ST6GALNAC5: variants seen among roughly 807,000 people sequenced by gnomAD.
The protein encoded by ST6GALNAC5 is ST6 N-acetylgalactosaminide alpha-2,6-sialyltransferase 5, also known as alpha-N-acetylgalactosaminide alpha-2,6-sialyltransferase 5.
A neutral mutation model predicts 33.6 loss-of-function variants in ST6GALNAC5; 27 were observed. The observed-to-expected ratio is 0.80, with a 90% CI of 0.59 to 1.11. The LOEUF (loss-of-function observed/expected upper bound fraction) is 1.11. ST6GALNAC5 is among the 50% of genes least tolerant of loss of function. The pLI is 0.00. For missense variants in ST6GALNAC5, 428 were observed against 454.0 expected (o/e 0.94, Z 0.52); for synonymous variants, 194 against 171.2 (o/e 1.13, Z -1.04).
chr1:76,991,448 C>T (rs1649725809), intron 2 of ST6GALNAC5, among the ~76,000 whole-genome samples: 1 of 152,188 alleles, frequency 6.6e-6, no homozygotes, highest in Non-Finnish European at 1.5e-5. Flanking sequence ...TATGCACACT[C>T]TGAGCATTTT....
At chr1:76,939,197 C>T (rs1033761002) in intron 2 of ST6GALNAC5, among the ~76,000 whole-genome samples, 1 of 151,984 alleles carries the variant, frequency 6.6e-6, no homozygotes, top group African/African-American at 2.4e-5. Flanking sequence ...TTGGGACACT[C>T]GTGCCATCTC....
chr1:77,010,496 AAAAAAT>A (rs991474643), intron 2 of ST6GALNAC5, among the ~76,000 whole-genome samples: 1 of 152,116 alleles, frequency 6.6e-6, no homozygotes, highest in East Asian at 1.9e-4. Context: ...CTCTGTCTCA[AAAAAAT>A]AAAAATAAAA....
At chr1:77,060,767 G>A (rs1265756923) in intron 4 of ST6GALNAC5, among the ~76,000 whole-genome samples, 2 of 151,964 alleles carry the variant, frequency 1.3e-5, no homozygotes, top group African/African-American at 4.8e-5. Flanking sequence ...GTTTCCAATT[G>A]CCCCCTACTC....
chr1:77,051,524 C>T (rs764569536), intron 4 of ST6GALNAC5, among the ~76,000 whole-genome samples: 1 of 152,174 alleles, frequency 6.6e-6, no homozygotes, highest in African/African-American at 2.4e-5. Flanking sequence ...TCAGCTTCCT[C>T]ATCCATAGAC....
chr1:76,878,503 T>C (rs569871979), intron 2 of ST6GALNAC5, among the ~76,000 whole-genome samples: 19 of 152,254 alleles, frequency 1.2e-4, no homozygotes, highest in African/African-American at 4.3e-4. Context: ...GTGTCCAGTA[T>C]CCCCAAAATG....
chr1:77,027,207 A>C (rs937147747), intron 2 of ST6GALNAC5, among the ~76,000 whole-genome samples: 1 of 152,188 alleles, frequency 6.6e-6, no homozygotes, highest in Non-Finnish European at 1.5e-5. Context: ...AATCACTTAC[A>C]ACAAAAACAC....
chr1:76,950,253 C>A (rs369272003), intron 2 of ST6GALNAC5, among the ~76,000 whole-genome samples: 1 of 152,102 alleles, frequency 6.6e-6, no homozygotes, highest in South Asian at 2.1e-4. Flanking sequence ...CTAAATAATT[C>A]ATAGACACAT....
chr1:76,982,302 T>C (rs1649289428), intron 2 of ST6GALNAC5, among the ~76,000 whole-genome samples: 1 of 152,076 alleles, frequency 6.6e-6, no homozygotes, highest in African/African-American at 2.4e-5. Context: ...GAATAAACAG[T>C]AAAGAGAAGA....
intron 4 of ST6GALNAC5, among the ~76,000 whole-genome samples, chr1:77,055,406 T>C (rs183809032): frequency 2.4e-4 from 37 of 152,334 alleles, no homozygotes; most frequent in African/African-American, 8.9e-4. Flanking sequence ...ATGGCTGATA[T>C]TTGTTGTGCA....
At chr1:76,962,814 G>C (rs1054847663) in intron 2 of ST6GALNAC5, among the ~76,000 whole-genome samples, 6 of 152,166 alleles carry the variant, frequency 3.9e-5, no homozygotes, top group African/African-American at 1.4e-4. Context: ...TAATCTGAAA[G>C]AAACAGATAT....
intron 2 of ST6GALNAC5, among the ~76,000 whole-genome samples, chr1:77,013,479 C>T (rs1048841250): frequency 6.6e-6 from 1 of 152,222 alleles, no homozygotes; most frequent in Non-Finnish European, 1.5e-5. Context: ...TGAGCTTTCT[C>T]ACCCAACTGT....
At chr1:76,965,362 G>A (rs1219835383) in intron 2 of ST6GALNAC5, among the ~76,000 whole-genome samples, 1 of 152,196 alleles carries the variant, frequency 6.6e-6, no homozygotes, top group African/African-American at 2.4e-5. Flanking sequence ...CTGATGACCA[G>A]TGATGATGAG....
intron 2 of ST6GALNAC5, among the ~76,000 whole-genome samples, chr1:76,901,180 A>C (rs1048248535): frequency 6.6e-6 from 1 of 152,236 alleles, no homozygotes; most frequent in African/African-American, 2.4e-5. Context: ...CACAGGGCCA[A>C]AAAATAGTCC....
At chr1:76,918,753 G>A in intron 2 of ST6GALNAC5, among the ~76,000 whole-genome samples, 1 of 151,974 alleles carries the variant, frequency 6.6e-6, no homozygotes, top group South Asian at 2.1e-4. Context: ...TCCTTAGCTG[G>A]ACAGCAACAC....
intron 4 of ST6GALNAC5, among the ~76,000 whole-genome samples, chr1:77,051,412 A>G (rs1049014488): frequency 2.0e-5 from 3 of 152,220 alleles, no homozygotes; most frequent in Admixed American, 6.5e-5. Context: ...ATGTAAGGTC[A>G]GGGTCAAAAA....
intron 2 of ST6GALNAC5, among the ~76,000 whole-genome samples, chr1:76,928,479 A>G (rs777695463): frequency 1.3e-5 from 2 of 152,136 alleles, no homozygotes; most frequent in African/African-American, 2.4e-5. Flanking sequence ...TTTCATAGCA[A>G]TAAAGGTAGC....
intron 2 of ST6GALNAC5, among the ~76,000 whole-genome samples, chr1:77,007,692 G>C (rs1011441443): frequency 1.3e-5 from 2 of 152,246 alleles, no homozygotes; most frequent in Admixed American, 1.3e-4. Context: ...CCAGAAGGCA[G>C]ATGCAAACCT....
At chr1:76,974,307 G>A (rs553119650) in intron 2 of ST6GALNAC5, among the ~76,000 whole-genome samples, 2 of 119,904 alleles carry the variant, frequency 1.7e-5, no homozygotes, top group Non-Finnish European at 4.0e-5. Flanking sequence ...TGGGCTCAAA[G>A]TGATCCTCCT....
At chr1:77,019,061 T>C (rs1423097307) in intron 2 of ST6GALNAC5, among the ~76,000 whole-genome samples, 1 of 152,194 alleles carries the variant, frequency 6.6e-6, no homozygotes, top group Non-Finnish European at 1.5e-5. Context: ...CCCTGAGCTT[T>C]GGAAGGGAAA....
Sources: gnomAD v4.1 joint callset for allele counts (sites outside exome capture counted in the v4.1 genomes callset) on GRCh38, gnomAD v4.1.1 for gene constraint, MANE v1.5 for transcripts, NCBI Gene and HGNC (gene_info 2026-07-23, HGNC 2026-07-21) for gene names.